The following AMPH variants were observed in gnomAD, a reference collection of about 807,000 sequenced individuals.
AMPH encodes the protein amphiphysin (Stiff-Mann syndrome with breast cancer 128kD autoantigen).
A neutral mutation model predicts 99.1 loss-of-function variants in AMPH; 49 were observed. The ratio of observed to expected loss-of-function variants is 0.49; its 90% CI spans 0.39 to 0.63. The LOEUF (loss-of-function observed/expected upper bound fraction) is 0.63. AMPH is among the 20% of genes least tolerant of loss of function. AMPH has a pLI of 0.00. For synonymous variants in AMPH, 314 were observed against 317.3 expected (o/e 0.99, Z 0.11); for missense variants, 759 against 863.4 (o/e 0.88, Z 1.52).
At chr7:38,428,484 T>C (rs1293496304) in intron 14 of AMPH, 3 of 456,742 alleles carry the variant, frequency 6.6e-6, no homozygotes, top group Non-Finnish European at 1.3e-5. Flanking sequence ...CTGATTTTTA[T>C]CCCTGTCACC....
At chr7:38,489,683 A>T (rs773757442) in intron 5 of AMPH, among the ~76,000 whole-genome samples, 5 of 152,154 alleles carry the variant, frequency 3.3e-5, no homozygotes, top group Non-Finnish European at 5.9e-5. Flanking sequence ...TAGAAAAAAT[A>T]ACTAATAATC....
At chr7:38,626,140 G>T (rs1246049818) in intron 1 of AMPH, among the ~76,000 whole-genome samples, 2 of 152,106 alleles carry the variant, frequency 1.3e-5, no homozygotes, top group Admixed American at 6.5e-5. Flanking sequence ...GGGAACAGGG[G>T]ACTGTTATTT....
intron 1 of AMPH, among the ~76,000 whole-genome samples, chr7:38,589,066 C>G (rs1281727740): frequency 6.6e-6 from 1 of 152,082 alleles, no homozygotes; most frequent in Non-Finnish European, 1.5e-5. Context: ...TGAGTCCATT[C>G]TTTAGAATAG....
chr7:38,518,556 C>G (rs1789836253), intron 2 of AMPH, among the ~76,000 whole-genome samples: 2 of 152,216 alleles, frequency 1.3e-5, no homozygotes, highest in Admixed American at 1.3e-4. Context: ...TTTGGGCTTA[C>G]CTGGGACCAG....
At chr7:38,622,478 C>CACAT in intron 1 of AMPH, among the ~76,000 whole-genome samples, 1 of 151,466 alleles carries the variant, frequency 6.6e-6, no homozygotes, top group East Asian at 1.9e-4. Context: ...CACACACACA[C>CACAT]GCACAAACAC....
At chr7:38,517,770 T>A (rs1477049323) in intron 2 of AMPH, among the ~76,000 whole-genome samples, 1 of 152,166 alleles carries the variant, frequency 6.6e-6, no homozygotes, top group African/African-American at 2.4e-5. Flanking sequence ...ATTCACAGCC[T>A]GACTATGTAA....
chr7:38,555,288 C>T (rs1020742236), intron 1 of AMPH, among the ~76,000 whole-genome samples: 2 of 151,838 alleles, frequency 1.3e-5, no homozygotes, highest in African/African-American at 2.4e-5. Context: ...TGGAGGCTTA[C>T]ACCTGTAGTC....
chr7:38,470,309 C>T (rs986288950), intron 7 of AMPH, among the ~76,000 whole-genome samples: 2 of 152,184 alleles, frequency 1.3e-5, no homozygotes, highest in Non-Finnish European at 2.9e-5. Flanking sequence ...AAATAACAGA[C>T]ACTGTTGCTG....
chr7:38,602,928 A>T (rs1281150172), intron 1 of AMPH, among the ~76,000 whole-genome samples: 1 of 152,192 alleles, frequency 6.6e-6, no homozygotes, highest in Non-Finnish European at 1.5e-5. Context: ...CAAAAAGTCA[A>T]TATCCCGGCC....
chr7:38,428,404 C>G (rs1481723717), intron 14 of AMPH: 5 of 456,562 alleles, frequency 1.1e-5, no homozygotes, highest in Admixed American at 7.0e-5. Flanking sequence ...CTGTTTGCAT[C>G]TCTTCCCAGA....
chr7:38,417,756 A>G lies in AMPH; in HGVS notation c.1398+69T>C, dbSNP rs372641364. On this transcript the variant is annotated intron_variant, in intron 17 of 20. Transcript: ENST00000356264. ...AGTGAGGCAAAGATGAGAGCGATGCATATGGTCATGAGATGAGCATGGCTG... is the reference window on the plus strand; with the variant it reads ...AGTGAGGCAAAGATGAGAGCGATGCGTATGGTCATGAGATGAGCATGGCTG... The G allele has an allele frequency of 1.8e-5, 29 of 1,582,904 alleles. 1 individual carries two copies. The African/African-American group carries it at 2.3e-4, about 12-fold the overall frequency.
intron 11 of AMPH, among the ~76,000 whole-genome samples, chr7:38,439,844 C>T (rs1473156774): frequency 1.3e-5 from 2 of 152,106 alleles, no homozygotes; most frequent in Non-Finnish European, 2.9e-5. Flanking sequence ...CAGTAAAGTA[C>T]CGGACCTCTT....
intron 1 of AMPH, among the ~76,000 whole-genome samples, chr7:38,625,290 T>C (rs533940587): frequency 4.6e-4 from 70 of 152,250 alleles, no homozygotes; most frequent in Non-Finnish European, 8.4e-4. Context: ...AAATGAGCAA[T>C]TACATTATTT....
intron 1 of AMPH, among the ~76,000 whole-genome samples, chr7:38,600,588 A>G (rs1325576473): frequency 2.0e-5 from 3 of 152,236 alleles, no homozygotes; most frequent in Non-Finnish European, 4.4e-5. Context: ...ATGTTGAACC[A>G]TAGGAAAATG....
chr7:38,455,563 T>C (rs763555188), intron 11 of AMPH, among the ~76,000 whole-genome samples: 10 of 152,150 alleles, frequency 6.6e-5, no homozygotes, highest in Non-Finnish European at 1.2e-4. Context: ...GCAGCAAGGC[T>C]TTCCTCAGCT....
At chr7:38,568,457 T>A (rs1166777131) in intron 1 of AMPH, among the ~76,000 whole-genome samples, 1 of 152,090 alleles carries the variant, frequency 6.6e-6, no homozygotes, top group African/African-American at 2.4e-5. Flanking sequence ...AAAGCGAGAC[T>A]CCGTCTCCAA....
intron 11 of AMPH, among the ~76,000 whole-genome samples, chr7:38,458,202 T>A (rs1049768003): frequency 2.0e-5 from 3 of 152,134 alleles, no homozygotes; most frequent in African/African-American, 7.2e-5. Context: ...ACTCCACATG[T>A]ATCCCCTGAA....
At chr7:38,431,211 A>G (rs1315838341) in intron 13 of AMPH, among the ~76,000 whole-genome samples, 1 of 152,224 alleles carries the variant, frequency 6.6e-6, no homozygotes, top group African/African-American at 2.4e-5. Flanking sequence ...AGCTGAAAAA[A>G]CATCAGTAAT....
chr7:38,538,741 CT>C, intron 1 of AMPH, among the ~76,000 whole-genome samples: 1 of 152,132 alleles, frequency 6.6e-6, no homozygotes, highest in Non-Finnish European at 1.5e-5. Context: ...TACATAATGG[CT>C]TATGGGATGA....
Sources: allele counts gnomAD v4.1 joint callset (sites outside exome capture counted in the v4.1 genomes callset), GRCh38; gene constraint gnomAD v4.1.1; transcripts MANE v1.5; gene names NCBI Gene and HGNC (gene_info 2026-07-23, HGNC 2026-07-21).